The following GRIK2 variants were observed in gnomAD, a reference collection of about 807,000 sequenced individuals.
GRIK2 encodes glutamate receptor ionotropic, kainate 2.
In GRIK2, 32 loss-of-function variants were observed where a neutral mutation model predicts 100.3. The observed-to-expected ratio is 0.32, with a 90% CI of 0.24 to 0.43. The LOEUF (loss-of-function observed/expected upper bound fraction) is 0.43. Among genes scored for constraint, GRIK2 ranks in the 20% least tolerant of loss-of-function variants. GRIK2 has a pLI of 1.00. For synonymous variants in GRIK2, 417 were observed against 389.4 expected (o/e 1.07, Z -0.83); for missense variants, 843 against 1,114.9 (o/e 0.76, Z 3.47).
At chr6:101,760,749 T>G (rs1010244905) in intron 7 of GRIK2, among the ~76,000 whole-genome samples, 1 of 135,444 alleles carries the variant, frequency 7.4e-6, no homozygotes, top group Non-Finnish European at 1.5e-5. Flanking sequence ...TATTTAATTA[T>G]ATATAATTAT....
At chr6:101,573,057 G>C (rs531620335) in intron 2 of GRIK2, among the ~76,000 whole-genome samples, 5 of 151,900 alleles carry the variant, frequency 3.3e-5, no homozygotes, top group African/African-American at 1.2e-4. Context: ...TGTTGGCCAG[G>C]CCGGTCTCAA....
chr6:101,429,118 C>A (rs538049629), intron 2 of GRIK2, among the ~76,000 whole-genome samples: 51 of 152,264 alleles, frequency 3.3e-4, no homozygotes, highest in African/African-American at 1.1e-3. Context: ...GTCATAGTGA[C>A]CTTGGTGTCC....
chr6:102,052,353 C>T (rs770922307), intron 15 of GRIK2, among the ~76,000 whole-genome samples: 2 of 152,000 alleles, frequency 1.3e-5, no homozygotes, highest in Non-Finnish European at 2.9e-5. Flanking sequence ...TTAATAAGCC[C>T]ATTAACTTTG....
chr6:101,463,834 T>A, intron 2 of GRIK2, among the ~76,000 whole-genome samples: 1 of 141,444 alleles, frequency 7.1e-6, no homozygotes, highest in Admixed American at 7.2e-5. Flanking sequence ...GTATTGGTAA[T>A]TAAAAAAAAA....
At chr6:101,966,588 T>A (rs891842753) in intron 14 of GRIK2, among the ~76,000 whole-genome samples, 4 of 152,126 alleles carry the variant, frequency 2.6e-5, no homozygotes, top group Admixed American at 2.0e-4. Flanking sequence ...CCTGAGCACA[T>A]AATGCAATCA....
chr6:101,898,747 C>T (rs1423561634), intron 12 of GRIK2, among the ~76,000 whole-genome samples: 1 of 151,818 alleles, frequency 6.6e-6, no homozygotes, highest in Non-Finnish European at 1.5e-5. Flanking sequence ...AAGAATAAAA[C>T]AACATTGTGA....
intron 2 of GRIK2, among the ~76,000 whole-genome samples, chr6:101,530,474 T>C (rs886442314): frequency 2.6e-5 from 4 of 152,042 alleles, no homozygotes; most frequent in Admixed American, 2.6e-4. Context: ...GTATAGGTTA[T>C]GTATTCACGA....
chr6:101,882,623 A>T (rs1456437733), intron 11 of GRIK2, among the ~76,000 whole-genome samples: 1 of 151,930 alleles, frequency 6.6e-6, no homozygotes, highest in Non-Finnish European at 1.5e-5. Context: ...TCTGAATTTT[A>T]TAACTCAATT....
At chr6:101,966,769 C>G (rs1256238209) in intron 14 of GRIK2, among the ~76,000 whole-genome samples, 1 of 152,074 alleles carries the variant, frequency 6.6e-6, no homozygotes, top group Non-Finnish European at 1.5e-5. Flanking sequence ...ACTGAGCAAA[C>G]TGGGAAAATA....
At chr6:101,590,806 A>AT in intron 2 of GRIK2, among the ~76,000 whole-genome samples, 1 of 151,960 alleles carries the variant, frequency 6.6e-6, no homozygotes, top group Non-Finnish European at 1.5e-5. Context: ...TATTTTTTAG[A>AT]TTTTTAAAAA....
chr6:101,948,149 C>G (rs1361884367), intron 14 of GRIK2, among the ~76,000 whole-genome samples: 1 of 151,956 alleles, frequency 6.6e-6, no homozygotes, highest in Non-Finnish European at 1.5e-5. Context: ...TTTACAAATA[C>G]ATTATTTTTA....
intron 2 of GRIK2, among the ~76,000 whole-genome samples, chr6:101,465,620 C>T (rs573688313): frequency 1.2e-4 from 18 of 152,182 alleles, no homozygotes; most frequent in African/African-American, 3.6e-4. Context: ...AGTAGATCTG[C>T]GGTGAAATCC....
intron 10 of GRIK2, among the ~76,000 whole-genome samples, chr6:101,846,980 T>G (rs1783848676): frequency 2.0e-5 from 3 of 151,956 alleles, no homozygotes; most frequent in Admixed American, 1.3e-4. Flanking sequence ...TCTATTTTTT[T>G]TTTCTGTTCT....
At chr6:101,873,729 C>G (rs1582428325) in intron 11 of GRIK2, among the ~76,000 whole-genome samples, 1 of 151,892 alleles carries the variant, frequency 6.6e-6, no homozygotes. Context: ...AAAAGTGTTC[C>G]TATTTCTCCA....
intron 2 of GRIK2, among the ~76,000 whole-genome samples, chr6:101,479,651 G>A (rs1315892635): frequency 2.6e-5 from 4 of 152,104 alleles, no homozygotes; most frequent in African/African-American, 9.7e-5. Flanking sequence ...ACAATAAGTA[G>A]ATTATCAATA....
intron 7 of GRIK2, among the ~76,000 whole-genome samples, chr6:101,759,870 TA>T (rs11320534): frequency 0.23 from 30,547 of 130,814 alleles, 4,956 homozygotes; most frequent in East Asian, 0.69. Flanking sequence ...TTTTTTTATT[TA>T]TTTTTATTTT....
chr6:101,767,985 A>G (rs1778142256), intron 7 of GRIK2, among the ~76,000 whole-genome samples: 2 of 151,914 alleles, frequency 1.3e-5, no homozygotes, highest in South Asian at 4.1e-4. Context: ...CAGCCTTCCA[A>G]GTAGCTGGGA....
In GRIK2 at chr6:101,737,258, CA is replaced by C. The variant is rs146747939; in HGVS notation, c.951+50906del. Among the ~76,000 whole-genome samples the C allele has an allele frequency of 9.9e-4, 150 of 152,194 alleles. 3 individuals are homozygous for C. In the East Asian group the frequency reaches 0.026, roughly 27 times the overall value. On this transcript the variant is annotated intron_variant, in intron 7 of 16. Transcript: ENST00000369134. ...AGTTCCAAAGTTGCTTCCACATTTT[CA>C]GTATTTTTTCAGCAGCACCCCACTC...
intron 14 of GRIK2, among the ~76,000 whole-genome samples, chr6:102,026,614 A>C (rs919127906): frequency 6.6e-6 from 1 of 151,274 alleles, no homozygotes; most frequent in African/African-American, 2.4e-5. Context: ...CTACCTAAAA[A>C]GGATAACTGT....
Sources: gnomAD v4.1 joint callset for allele counts (sites outside exome capture counted in the v4.1 genomes callset) on GRCh38, gnomAD v4.1.1 for gene constraint, MANE v1.5 for transcripts, NCBI Gene and HGNC (gene_info 2026-07-23, HGNC 2026-07-21) for gene names.